GRM7: variants seen among roughly 807,000 people sequenced by gnomAD.
The protein encoded by GRM7 is metabotropic glutamate receptor 7.
A neutral mutation model predicts 84.5 loss-of-function variants in GRM7; 35 were observed. The ratio of observed to expected loss-of-function variants is 0.41; its 90% CI spans 0.32 to 0.55. The LOEUF (loss-of-function observed/expected upper bound fraction) is 0.55, where lower values mean the gene tolerates loss of function less well. Among genes scored for constraint, GRM7 ranks in the 20% least tolerant of loss-of-function variants. The probability of loss-of-function intolerance (pLI) is 0.19; values close to 1 mark genes in which losing one functional copy is unlikely to be tolerated. For synonymous variants in GRM7, 487 were observed against 455.1 expected (o/e 1.07, Z -0.89); for missense variants, 1,003 against 1,194.6 (o/e 0.84, Z 2.36).
At chr3:7,520,502 C>G (rs1302946264) in intron 7 of GRM7, among the ~76,000 whole-genome samples, 1 of 117,652 alleles carries the variant, frequency 8.5e-6, no homozygotes, top group Non-Finnish European at 1.9e-5. Context: ...CTCTCTAGAC[C>G]TGAAAAAAAT....
At chr3:6,885,605 T>C (rs1382796125) in intron 1 of GRM7, among the ~76,000 whole-genome samples, 1 of 152,202 alleles carries the variant, frequency 6.6e-6, no homozygotes, top group Non-Finnish European at 1.5e-5. Flanking sequence ...CCCAGAAATA[T>C]GGATTTATTC....
At chr3:7,739,514 T>A (rs898433122) in intron 9 of GRM7, among the ~76,000 whole-genome samples, 1 of 152,168 alleles carries the variant, frequency 6.6e-6, no homozygotes, top group Non-Finnish European at 1.5e-5. Context: ...ATATATCACA[T>A]CATTGCAACA....
chr3:7,298,035 A>G (rs1291158465), intron 2 of GRM7, among the ~76,000 whole-genome samples: 1 of 152,192 alleles, frequency 6.6e-6, no homozygotes, highest in Non-Finnish European at 1.5e-5. Context: ...CCTAACATAA[A>G]ATGAGCAATA....
chr3:7,017,092 A>G (rs1011976824), intron 1 of GRM7, among the ~76,000 whole-genome samples: 1 of 152,196 alleles, frequency 6.6e-6, no homozygotes, highest in African/African-American at 2.4e-5. Flanking sequence ...CTCTAATGAC[A>G]CATGCTATTG....
rs761438516 is a variant in GRM7 at position 7,672,495 on chromosome 3, AT to A, written c.2452-7552del. The stretch of plus-strand genomic sequence containing the variant: ...TTCTCTGATCCCATCCATAGACTCC[AT>A]TAAAGCCTTTTTGTCTTAATTCTCA... On this transcript the variant is annotated intron_variant, in intron 8 of 9. Transcript: ENST00000357716. 2.0e-5 allele frequency among the ~76,000 whole-genome samples: 3 copies of A among 152,206 alleles called. No individual in the cohort carries two copies. The East Asian group carries it at 5.8e-4, about 29-fold the overall frequency.
intron 7 of GRM7, among the ~76,000 whole-genome samples, chr3:7,500,064 T>C (rs529984569): frequency 1.3e-5 from 2 of 152,266 alleles, no homozygotes; most frequent in South Asian, 4.1e-4. Flanking sequence ...ATGGACACCA[T>C]TCTTTCTAAT....
intron 4 of GRM7, among the ~76,000 whole-genome samples, chr3:7,372,380 C>G (rs1223244349): frequency 6.6e-6 from 1 of 152,114 alleles, no homozygotes; most frequent in African/African-American, 2.4e-5. Flanking sequence ...ACTGAGCAAA[C>G]ACTGGAAAAC....
At chr3:7,276,804 T>TCCCTCCCTCCCTCCCTCCC (rs1699086357) in intron 2 of GRM7, among the ~76,000 whole-genome samples, 2 of 290 alleles carry the variant, frequency 6.9e-3, no homozygotes, top group African/African-American at 0.012. Flanking sequence ...CCTTCCTTCC[T>TCCCTCCCTCCCTCCCTCCC]TTTTGGTGGT....
At chr3:7,179,128 TG>T (rs533333081) in intron 2 of GRM7, among the ~76,000 whole-genome samples, 90 of 151,896 alleles carry the variant, frequency 5.9e-4, no homozygotes, top group Middle Eastern at 3.4e-3. Context: ...AATGTTATCT[TG>T]GTACTCTAGA....
intron 4 of GRM7, among the ~76,000 whole-genome samples, chr3:7,334,807 CAGTT>C (rs1275174240): frequency 6.6e-6 from 1 of 152,026 alleles, no homozygotes; most frequent in Non-Finnish European, 1.5e-5. Flanking sequence ...AAAGCAACAA[CAGTT>C]AGATAAAGAG....
At chr3:7,171,943 C>A (rs904457733) in intron 2 of GRM7, among the ~76,000 whole-genome samples, 1 of 152,152 alleles carries the variant, frequency 6.6e-6, no homozygotes, top group Non-Finnish European at 1.5e-5. Context: ...AAACAGCATG[C>A]AGTTTCCCAG....
chr3:6,910,992 C>A (rs983127789), intron 1 of GRM7, among the ~76,000 whole-genome samples: 1 of 152,142 alleles, frequency 6.6e-6, no homozygotes, highest in Non-Finnish European at 1.5e-5. Flanking sequence ...GCAACTGCAA[C>A]CTACCACTAT....
intron 7 of GRM7, among the ~76,000 whole-genome samples, chr3:7,484,454 T>A (rs1344490342): frequency 6.6e-6 from 1 of 152,190 alleles, no homozygotes; most frequent in Non-Finnish European, 1.5e-5. Flanking sequence ...AGAATATGTG[T>A]CAATACCCAT....
intron 4 of GRM7, among the ~76,000 whole-genome samples, chr3:7,409,690 T>TC (rs1190166537): frequency 1.1e-4 from 17 of 152,276 alleles, no homozygotes; most frequent in Non-Finnish European, 2.4e-4. Context: ...AACCTCTGCC[T>TC]CCTGGGTTCA....
At chr3:7,713,688 A>G (rs994088029) in intron 9 of GRM7, among the ~76,000 whole-genome samples, 1 of 152,048 alleles carries the variant, frequency 6.6e-6, no homozygotes, top group Non-Finnish European at 1.5e-5. Flanking sequence ...AATTATTTGA[A>G]TAATGCATGT....
chr3:7,535,105 G>A (rs1701192673), intron 7 of GRM7: 1 of 152,078 alleles, frequency 6.6e-6, no homozygotes, highest in African/African-American at 2.4e-5. Flanking sequence ...CTTCCTATGT[G>A]TCTTTTTAAA....
chr3:6,965,888 C>A (rs1467918997), intron 1 of GRM7, among the ~76,000 whole-genome samples: 1 of 152,074 alleles, frequency 6.6e-6, no homozygotes, highest in East Asian at 1.9e-4. Context: ...AGTTCAGCAA[C>A]CTCTCAGCAG....
intron 9 of GRM7, among the ~76,000 whole-genome samples, chr3:7,707,878 C>T (rs2125163478): frequency 6.6e-6 from 1 of 151,430 alleles, no homozygotes; most frequent in East Asian, 1.9e-4. Context: ...TCATTCTTAT[C>T]AGAGTTCACT....
chr3:7,504,119 AT>A (rs1338697658), intron 7 of GRM7, among the ~76,000 whole-genome samples: 1 of 152,222 alleles, frequency 6.6e-6, no homozygotes, highest in Non-Finnish European at 1.5e-5. Context: ...TCAATAAAAA[AT>A]TTTGTGGTAT....
Sources: allele counts gnomAD v4.1 joint callset (sites outside exome capture counted in the v4.1 genomes callset), GRCh38; gene constraint gnomAD v4.1.1; transcripts MANE v1.5; gene names NCBI Gene and HGNC (gene_info 2026-07-23, HGNC 2026-07-21).